Variants in R3HCC1L observed in about 807,000 individuals in gnomAD.
R3HCC1L encodes the protein R3H domain and coiled-coil containing 1 like, also known as coiled-coil domain-containing protein R3HCC1L.
A neutral mutation model predicts 59.9 loss-of-function variants in R3HCC1L; 51 were observed. The ratio of observed to expected loss-of-function variants is 0.85; its 90% CI spans 0.68 to 1.07. The LOEUF (loss-of-function observed/expected upper bound fraction) is 1.07, where lower values mean the gene tolerates loss of function less well. Among genes scored for constraint, R3HCC1L ranks in the 50% least tolerant of loss-of-function variants. The pLI is 0.00. For synonymous variants in R3HCC1L, 322 were observed against 315.2 expected (o/e 1.02, Z -0.23); for missense variants, 965 against 933.0 (o/e 1.03, Z -0.45).
chr10:98,199,986 T>C (rs576021521), intron 4 of R3HCC1L, among the ~76,000 whole-genome samples: 12 of 152,204 alleles, frequency 7.9e-5, no homozygotes, highest in East Asian at 7.7e-4. Flanking sequence ...ATCAGTCTTA[T>C]CAAAACTCTT....
At chr10:98,195,328 G>A (rs1373835032) in intron 4 of R3HCC1L, among the ~76,000 whole-genome samples, 5 of 152,136 alleles carry the variant, frequency 3.3e-5, no homozygotes, top group Non-Finnish European at 7.4e-5. Flanking sequence ...TGTTCAGTGA[G>A]TGTAGAGTTT....
intron 1 of R3HCC1L, among the ~76,000 whole-genome samples, chr10:98,147,794 T>TC (rs1845800732): frequency 6.6e-6 from 1 of 152,116 alleles, no homozygotes; most frequent in Non-Finnish European, 1.5e-5. Context: ...CAGTACCATA[T>TC]TGATGTGGTT....
At chr10:98,178,636 A>G (rs939999352) in intron 4 of R3HCC1L, among the ~76,000 whole-genome samples, 3 of 152,136 alleles carry the variant, frequency 2.0e-5, no homozygotes, top group Non-Finnish European at 1.5e-5. Context: ...ATGGCATTGA[A>G]TCTATAAATT....
intron 4 of R3HCC1L, among the ~76,000 whole-genome samples, chr10:98,172,140 G>C (rs773483409): frequency 2.6e-5 from 4 of 152,136 alleles, no homozygotes; most frequent in Non-Finnish European, 5.9e-5. Flanking sequence ...TTATATCACT[G>C]ACAAACTCTA....
chr10:98,225,212 C>G (rs991475785), intron 5 of R3HCC1L, among the ~76,000 whole-genome samples: 1 of 152,170 alleles, frequency 6.6e-6, no homozygotes, highest in East Asian at 1.9e-4. Flanking sequence ...AGTACATAAT[C>G]AGTACATCAG....
At chr10:98,153,478 A>G (rs548232722) in intron 1 of R3HCC1L, among the ~76,000 whole-genome samples, 27 of 152,300 alleles carry the variant, frequency 1.8e-4, no homozygotes, top group African/African-American at 6.3e-4. Flanking sequence ...ACACTGCGGA[A>G]GGCCGCAGGG....
At chr10:98,151,196 C>T (rs1011411340) in intron 1 of R3HCC1L, among the ~76,000 whole-genome samples, 8 of 152,170 alleles carry the variant, frequency 5.3e-5, no homozygotes, top group Admixed American at 4.6e-4. Flanking sequence ...AGCCAGCTTG[C>T]TTCTACGCTG....
In R3HCC1L at chr10:98,208,382, A is replaced by T; in HGVS notation, c.268A>T (p.Thr90Ser). Residue 90 changes from threonine to serine, a missense_variant, in exon 5 of 10, where the codon ACA (threonine) becomes TCA (serine). By Grantham distance (58) the Thr-to-Ser change is moderately conservative. Transcript: ENST00000298999. ...TTGTAGAGAAGAAAAGAAATCTTCA[A>T]CAAAATTAAGAATGGACACATGCCT... Reference protein sequence around the residue: ...HNCREEKKSSTKLRMDTCLQK... With the variant: ...HNCREEKKSSSKLRMDTCLQK... 2.5e-6 allele frequency: 4 copies of T among 1,614,012 alleles called. No individual in the cohort carries two copies. The highest frequency in any genetic ancestry group is 3.4e-6 in the Non-Finnish European group (4 of 1,179,988).
At chr10:98,212,355 T>C (rs77621921) in intron 5 of R3HCC1L, among the ~76,000 whole-genome samples, 2 of 152,174 alleles carry the variant, frequency 1.3e-5, no homozygotes, top group African/African-American at 2.4e-5. Flanking sequence ...TGTTTCTTGA[T>C]TGATAGCAGC....
chr10:98,211,681 A>C lies in R3HCC1L; in HGVS notation c.1785+1782A>C, dbSNP rs146060116. ...GCCTTTTACACATGGTGTAGTACTCAGTAAATATTTATCCAATGGATGGCG... is the reference window on the plus strand; with the variant it reads ...GCCTTTTACACATGGTGTAGTACTCCGTAAATATTTATCCAATGGATGGCG... On this transcript the variant is annotated intron_variant, in intron 5 of 9. Coordinates refer to ENST00000298999, the MANE Select transcript of R3HCC1L (RefSeq NM_001351015.2). Among the ~76,000 whole-genome samples the C allele has an allele frequency of 7.7e-3, 1,169 of 152,162 alleles. 19 individuals are homozygous for C. Among genetic ancestry groups the C allele is most frequent in the African/African-American group, 0.026 (1,095 of 41,508 alleles).
chr10:98,140,916 A>C (rs1051067048), intron 1 of R3HCC1L, among the ~76,000 whole-genome samples: 2 of 152,172 alleles, frequency 1.3e-5, no homozygotes, highest in Admixed American at 1.3e-4. Flanking sequence ...TATATAACTT[A>C]CTATAGAAAA....
chr10:98,216,724 C>T (rs939307792), intron 5 of R3HCC1L, among the ~76,000 whole-genome samples: 2 of 151,974 alleles, frequency 1.3e-5, no homozygotes, highest in Non-Finnish European at 2.9e-5. Flanking sequence ...AGGAGTATAC[C>T]ACCATGCCTG....
chr10:98,242,750 A>C (rs1031955784), intron 9 of R3HCC1L, among the ~76,000 whole-genome samples: 3 of 152,204 alleles, frequency 2.0e-5, no homozygotes, highest in African/African-American at 7.2e-5. Context: ...GGGATGTAGA[A>C]CCAGATTTTG....
chr10:98,243,967 C>T lies in R3HCC1L; in HGVS notation c.2270-124C>T, dbSNP rs1008144353. 10 of 699,992 alleles carry T rather than the reference C, an allele frequency of 1.4e-5. No homozygotes were observed. The Admixed American group carries it at 1.5e-4, about 11-fold the overall frequency. 43.4% of individuals were successfully genotyped at this position (699,992 alleles called of 1,614,324 possible). On this transcript the variant is annotated intron_variant, in intron 9 of 9. Transcript: ENST00000298999. ...AATTAAAGGAATTAACTCTTGTTATCAGGTAAGAGAGACCAGGATATCCAC... is the reference window on the plus strand; with the variant it reads ...AATTAAAGGAATTAACTCTTGTTATTAGGTAAGAGAGACCAGGATATCCAC...
chr10:98,194,240 T>G (rs530246983), intron 4 of R3HCC1L, among the ~76,000 whole-genome samples: 179 of 152,216 alleles, frequency 1.2e-3, no homozygotes, highest in African/African-American at 4.0e-3. Flanking sequence ...AAAGGATAGT[T>G]TCTTCAATAA....
At chr10:98,156,901 C>T (rs1270105790) in intron 2 of R3HCC1L, among the ~76,000 whole-genome samples, 2 of 152,170 alleles carry the variant, frequency 1.3e-5, no homozygotes, top group African/African-American at 4.8e-5. Context: ...TTTGTAAGAA[C>T]TTTAAAATTC....
At chr10:98,141,784 G>A (rs562694167) in intron 1 of R3HCC1L, among the ~76,000 whole-genome samples, 1 of 152,320 alleles carries the variant, frequency 6.6e-6, no homozygotes, top group African/African-American at 2.4e-5. Context: ...AACATCTAGA[G>A]AGAACCAGGT....
At chr10:98,168,098 T>G (rs1848133897) in intron 4 of R3HCC1L, among the ~76,000 whole-genome samples, 1 of 152,180 alleles carries the variant, frequency 6.6e-6, no homozygotes. Context: ...CCTCCAGATG[T>G]GTATTGAGGG....
chr10:98,149,419 G>C (rs1845942896), intron 1 of R3HCC1L, among the ~76,000 whole-genome samples: 1 of 151,776 alleles, frequency 6.6e-6, no homozygotes, highest in African/African-American at 2.4e-5. Context: ...TTCTTTTCTA[G>C]TTCTTTGAGG....
Sources: gnomAD v4.1 joint callset for allele counts (sites outside exome capture counted in the v4.1 genomes callset) on GRCh38, gnomAD v4.1.1 for gene constraint, MANE v1.5 for transcripts, NCBI Gene and HGNC (gene_info 2026-07-23, HGNC 2026-07-21) for gene names.